The following SCN1A variants were observed in gnomAD, a reference collection of about 807,000 sequenced individuals.
SCN1A encodes the protein sodium voltage-gated channel alpha subunit 1, also known as sodium channel protein type 1 subunit alpha.
In SCN1A, 13 loss-of-function variants were observed where a neutral mutation model predicts 193.7. The observed-to-expected ratio is 0.07, with a 90% confidence interval of 0.04 to 0.11. SCN1A has a LOEUF of 0.11. Among genes scored for constraint, SCN1A ranks in the 10% least tolerant of loss-of-function variants. The pLI, the probability that SCN1A is intolerant of heterozygous loss-of-function variation, is 1.00. For synonymous variants in SCN1A, 781 were observed against 843.6 expected (o/e 0.93, Z 1.29); for missense variants, 1,432 against 2,451.1 (o/e 0.58, Z 8.78).
At chr2:166,087,161 G>A (rs1486322375) in intron 2 of SCN1A, among the ~76,000 whole-genome samples, 7 of 148,924 alleles carry the variant, frequency 4.7e-5, no homozygotes, top group African/African-American at 1.7e-4. Context: ...CATGAGAACT[G>A]GTTGAAAAAA....
Position 166,058,504 on chromosome 2 carries a change from A to G in SCN1A, c.383+66T>C, listed in dbSNP as rs8191987. The G allele has an allele frequency of 0.17, 152,610 of 883,288 alleles. 15,466 individuals carry two copies. Among genetic ancestry groups the G allele is most frequent in the East Asian group, 0.34 (13,905 of 40,764 alleles). 54.7% of individuals were successfully genotyped at this position (883,288 alleles called of 1,614,324 possible). A position where few individuals can be genotyped will look rare whatever the true frequency, so the allele number is the denominator to read the frequency against. On this transcript the variant is annotated intron_variant, in intron 5 of 28. Transcript: ENST00000674923. ...TGGACATTTCCCAACTTAATTTGAT[A>G]TTTAGCTATAAAGTGCTTACAGATC...
At chr2:166,075,272 T>C (rs187341296) in intron 3 of SCN1A, 3 of 152,190 alleles carry the variant, frequency 2.0e-5, no homozygotes, top group Non-Finnish European at 4.4e-5. Flanking sequence ...ATCTCCTTTT[T>C]ACCTTGTTTC....
At chr2:166,000,486 G>A (rs1690675666) in intron 24 of SCN1A, among the ~76,000 whole-genome samples, 1 of 151,702 alleles carries the variant, frequency 6.6e-6, no homozygotes, top group African/African-American at 2.4e-5. Context: ...ACAGTAATTT[G>A]TTACTTGTCC....
In SCN1A at chr2:166,013,629, G is replaced by A. The variant is rs891216346; in HGVS notation, c.3705+115C>T. On this transcript the variant is annotated intron_variant, in intron 21 of 28. Coordinates refer to ENST00000674923, the MANE Select transcript of SCN1A (RefSeq NM_001165963.4). Reference sequence around the variant, plus strand: ...AGTAAATCTATAGAAGATACAAGGTGGGATAATTAAAAATGCATTGGATAC... The same window carrying A: ...AGTAAATCTATAGAAGATACAAGGTAGGATAATTAAAAATGCATTGGATAC... 6 of 868,310 alleles carry A rather than the reference G, an allele frequency of 6.9e-6. No homozygotes were observed. In the East Asian group the frequency reaches 1.0e-4, roughly 15 times the overall value. 53.8% of individuals were successfully genotyped at this position (868,310 alleles called of 1,614,324 possible).
At chr2:166,142,289 G>A (rs890700860) in intron 1 of SCN1A, among the ~76,000 whole-genome samples, 3 of 152,180 alleles carry the variant, frequency 2.0e-5, no homozygotes, top group Non-Finnish European at 4.4e-5. Context: ...CACAAGTTTG[G>A]AGGAGCCATC....
At chr2:166,117,047 T>C (rs1689949765) in intron 2 of SCN1A, among the ~76,000 whole-genome samples, 1 of 152,166 alleles carries the variant, frequency 6.6e-6, no homozygotes, top group South Asian at 2.1e-4. Flanking sequence ...TTCAAAATAA[T>C]AATTTTCTCT....
At chr2:166,133,272 G>A (rs542484668) in intron 1 of SCN1A, among the ~76,000 whole-genome samples, 1 of 152,240 alleles carries the variant, frequency 6.6e-6, no homozygotes, top group African/African-American at 2.4e-5. Context: ...ATGTCTGCAG[G>A]TGATTATTTC....
downstream of SCN1A, chr2:165,984,981 A>C (rs1196570601): frequency 6.6e-6 from 1 of 152,188 alleles, no homozygotes; most frequent in East Asian, 1.9e-4. Flanking sequence ...TTTTAATTTT[A>C]ACCAAGAGTG....
Position 165,992,561 on chromosome 2 carries a change from A to G in SCN1A, c.4853-139T>C, listed in dbSNP as rs1012848947. On this transcript the variant is annotated intron_variant, in intron 28 of 28. Transcript: ENST00000674923. This position sits in a 1 kb window ranked among gnomAD's most constrained non-coding sequence, Gnocchi z 6.5. ...AATATGACAACTATATATAATATAT[A>G]TATAATTGTACATAATATATTATAA... is the stretch of plus-strand genomic sequence containing the variant. 2 of 496,776 alleles carry G rather than the reference A, an allele frequency of 4.0e-6. No homozygotes were observed. The highest frequency in any genetic ancestry group is 7.9e-5 in the East Asian group (2 of 25,362). The allele number at this position is 496,776 out of a possible 1,614,324, so 30.8% of individuals were successfully genotyped here.
intron 20 of SCN1A, among the ~76,000 whole-genome samples, chr2:166,014,901 T>C (rs1019843201): frequency 2.0e-5 from 3 of 151,802 alleles, no homozygotes; most frequent in Non-Finnish European, 4.4e-5. Context: ...AAGCTGCTGT[T>C]CCACCATGGT....
chr2:166,015,472 G>A, intron 20 of SCN1A, 135 bp downstream of exon 20: 2 of 1,062,838 alleles, frequency 1.9e-6, no homozygotes, highest in Non-Finnish European at 1.4e-6. Context: ...TTTTTTGTCT[G>A]TCAACATATT....
chr2:166,113,459 C>T (rs545765978), intron 2 of SCN1A, among the ~76,000 whole-genome samples: 29 of 151,760 alleles, frequency 1.9e-4, no homozygotes, highest in African/African-American at 3.1e-4. Flanking sequence ...ACTCTAAGTC[C>T]CAATAAATAT....
At chr2:166,087,846 T>A (rs1330779378) in intron 2 of SCN1A, among the ~76,000 whole-genome samples, 2 of 152,188 alleles carry the variant, frequency 1.3e-5, no homozygotes, top group African/African-American at 2.4e-5. Flanking sequence ...ATATTGAGAA[T>A]CCTGCAAAGT....
chr2:166,015,923 A>G (rs1183161477), intron 19 of SCN1A, 196 bp from the exon 20 acceptor site: 2 of 597,370 alleles, frequency 3.3e-6, no homozygotes, highest in East Asian at 3.2e-5. Context: ...ATAATTCACA[A>G]TGTAAGCTTG....
chr2:166,137,172 G>A (rs1230026481), intron 1 of SCN1A, among the ~76,000 whole-genome samples: 1 of 152,148 alleles, frequency 6.6e-6, no homozygotes, highest in African/African-American at 2.4e-5. Flanking sequence ...AGGGCTGGTG[G>A]GAACTGGGGA....
At chr2:166,069,468 T>C (rs546081449) in intron 4 of SCN1A, among the ~76,000 whole-genome samples, 1 of 152,252 alleles carries the variant, frequency 6.6e-6, no homozygotes, top group African/African-American at 2.4e-5. Context: ...AGGATAAAAA[T>C]ATGTGGGCAT....
At chr2:166,064,843 T>C (rs1311031931) in intron 4 of SCN1A, among the ~76,000 whole-genome samples, 4 of 152,176 alleles carry the variant, frequency 2.6e-5, no homozygotes, top group Non-Finnish European at 5.9e-5. Context: ...GTAAATCTAC[T>C]GGCAAAAACA....
At chr2:166,021,631 C>T (rs756482406) in intron 19 of SCN1A, among the ~76,000 whole-genome samples, 15 of 152,094 alleles carry the variant, frequency 9.9e-5, no homozygotes, top group Non-Finnish European at 2.1e-4. Context: ...AGCTTAAACA[C>T]ATAATTTGTA....
At chr2:166,008,050 A>G (rs1220107332) in intron 23 of SCN1A, among the ~76,000 whole-genome samples, 1 of 151,338 alleles carries the variant, frequency 6.6e-6, no homozygotes. Flanking sequence ...ATAGAGCCAT[A>G]TTCATAAATC....
Sources: allele counts gnomAD v4.1 joint callset (sites outside exome capture counted in the v4.1 genomes callset), GRCh38; gene constraint gnomAD v4.1.1; non-coding constraint Gnocchi (gnomAD v3.1); transcripts MANE v1.5; gene names NCBI Gene and HGNC (gene_info 2026-07-23, HGNC 2026-07-21).